Variants in COL27A1 observed in about 807,000 individuals in gnomAD.
COL27A1 encodes the protein collagen type XXVII alpha 1 chain, also known as collagen alpha-1(XXVII) chain.
A neutral mutation model predicts 251.3 loss-of-function variants in COL27A1; 106 were observed. That is an observed-to-expected ratio of 0.42 (90% CI 0.36 to 0.50). The LOEUF (loss-of-function observed/expected upper bound fraction) is 0.50. Ranked by LOEUF, COL27A1 falls within the 20% of genes least tolerant of loss-of-function variation. COL27A1 has a pLI of 0.00. For missense variants in COL27A1, 2,325 were observed against 2,522.8 expected, an observed-to-expected ratio of 0.92 and a Z score of 1.68; for synonymous variants, 1,000 against 986.3, an observed-to-expected ratio of 1.01 and a Z score of -0.26.
intron 3 of COL27A1, 59 bp downstream of exon 3, chr9:114,169,522 GT>G: frequency 7.4e-7 from 1 of 1,353,042 alleles, no homozygotes; most frequent in Non-Finnish European, 1.0e-6. Context: ...TGGGGCATTG[GT>G]CAAGTGGTTG....
rs1299285729 is a variant in COL27A1 at position 114,312,154 on chromosome 9, G to A, written c.*1459G>A. The A allele has an allele frequency of 6.6e-6, 1 of 152,208 alleles. No homozygotes were observed. Among genetic ancestry groups the A allele is most frequent in the Non-Finnish European group, 1.5e-5 (1 of 68,042 alleles). The allele number at this position is 152,208 out of a possible 1,614,324, so 9.4% of individuals were successfully genotyped here. Reference sequence around the variant, plus strand: ...ATAGAAGGGGAAAATGTATGTGAAAGTCTCTATTTGTGTATTTCTCTCCTA... The same window carrying A: ...ATAGAAGGGGAAAATGTATGTGAAAATCTCTATTTGTGTATTTCTCTCCTA... On this transcript the variant is annotated 3_prime_UTR_variant, in exon 61 of 61. Coordinates refer to ENST00000356083, the MANE Select transcript of COL27A1 (RefSeq NM_032888.4).
At chr9:114,166,444 T>TCCATCC (rs1848892229) in intron 2 of COL27A1, among the ~76,000 whole-genome samples, 7 of 140,954 alleles carry the variant, frequency 5.0e-5, no homozygotes, top group Middle Eastern at 4.0e-3. Context: ...TCCATTCATC[T>TCCATCC]ATCCATCCAT....
chr9:114,166,607 G>C (rs1445060825), intron 2 of COL27A1, among the ~76,000 whole-genome samples: 1 of 152,234 alleles, frequency 6.6e-6, no homozygotes, highest in Non-Finnish European at 1.5e-5. Flanking sequence ...CTTAGGGGAA[G>C]GGCCCTGAGG....
intron 4 of COL27A1, among the ~76,000 whole-genome samples, chr9:114,181,034 C>T (rs1827868496): frequency 6.6e-6 from 1 of 152,154 alleles, no homozygotes; most frequent in Admixed American, 6.5e-5. Flanking sequence ...CAACCTCTGT[C>T]CAATTCCCAC....
In COL27A1 at chr9:114,310,637, C is replaced by T; in HGVS notation, c.5525C>T (p.Pro1842Leu). The stretch of plus-strand genomic sequence containing the variant: ...CCCATCATCAGTGTGGACAACCTCC[C>T]TCCTGCCTCATCAGGGAAGCAGTAC... ...QLPIISVDNL[P>L]PASSGKQYRL... Residue 1842 changes from proline to leucine, a missense_variant, in exon 61 of 61, where the codon CCT (proline) becomes CTT (leucine). Transcript: ENST00000356083. 1 of 1,614,220 alleles carries T rather than the reference C, an allele frequency of 6.2e-7. No individual in the cohort carries two copies. The highest frequency in any genetic ancestry group is 8.5e-7 in the Non-Finnish European group (1 of 1,180,032).
chr9:114,250,538 G>C (rs1268478529), intron 24 of COL27A1, 77 bp from the exon 25 acceptor site: 12 of 1,375,218 alleles, frequency 8.7e-6, no homozygotes, highest in Non-Finnish European at 1.2e-5. Context: ...TGGGAGATGA[G>C]CTTCAGGGGA....
chr9:114,301,439 C>T lies in COL27A1; in HGVS notation c.4792-6C>T, dbSNP rs1828622655. 6.2e-7 allele frequency: 1 copy of T among 1,611,924 alleles called. No individual in the cohort carries two copies. The highest frequency in any genetic ancestry group is 1.3e-5 in the African/African-American group (1 of 74,910). ...AACTCTCTCCCCTGCTTCTGTCTCC[C>T]TCCAGGGATTGCAAGGTCCGAGGGT... On this transcript the variant is annotated splice_polypyrimidine_tract_variant and splice_region_variant and intron_variant, in intron 53 of 60. Coordinates refer to ENST00000356083, the MANE Select transcript of COL27A1 (RefSeq NM_032888.4).
chr9:114,235,037 C>T (rs1564503813), intron 16 of COL27A1, among the ~76,000 whole-genome samples: 1 of 142,784 alleles, frequency 7.0e-6, no homozygotes, highest in African/African-American at 2.6e-5. Context: ...CAAGATTGCA[C>T]CACTGCTCTC....
At chr9:114,269,614 CAAA>C (rs552967033) in intron 35 of COL27A1, among the ~76,000 whole-genome samples, 7 of 69,216 alleles carry the variant, frequency 1.0e-4, no homozygotes, top group South Asian at 6.0e-4. Flanking sequence ...GACTCCATCT[CAAA>C]AAAAAAAAAA....
At chr9:114,300,986 ACGC>A in intron 51 of COL27A1, 83 bp from the exon 52 acceptor site, 1 of 1,337,576 alleles carries the variant, frequency 7.5e-7, no homozygotes, top group Non-Finnish European at 1.0e-6. Context: ...CTCCCTTGCG[ACGC>A]TCGGGCTGCC....
intron 14 of COL27A1, among the ~76,000 whole-genome samples, chr9:114,224,814 A>G (rs548964924): frequency 1.3e-5 from 2 of 151,930 alleles, no homozygotes; most frequent in South Asian, 4.2e-4. Flanking sequence ...CATGATGCCC[A>G]GCTAATTTTA....
chr9:114,192,190 CT>C (rs1588627083), intron 5 of COL27A1, among the ~76,000 whole-genome samples: 1 of 152,150 alleles, frequency 6.6e-6, no homozygotes, highest in Non-Finnish European at 1.5e-5. Flanking sequence ...TCTCAGTTTC[CT>C]TTTTTTGTAA....
intron 12 of COL27A1, among the ~76,000 whole-genome samples, chr9:114,217,108 TG>T (rs1830761994): frequency 6.6e-6 from 1 of 152,188 alleles, no homozygotes; most frequent in Non-Finnish European, 1.5e-5. Context: ...GTCACGCTGT[TG>T]GGGTTTACTG....
In COL27A1 at chr9:114,290,314, G is replaced by C. The variant is rs761876047; in HGVS notation, c.4351G>C (p.Gly1451Arg). ...ACCAGATGGGCTTCCTGGCAGGGACGGGCAAGCAGGACAGCAGGTGAGCGG... is the reference window on the plus strand; with the variant it reads ...ACCAGATGGGCTTCCTGGCAGGGACCGGCAAGCAGGACAGCAGGTGAGCGG... ...AGPDGLPGRD[G>R]QAGQQGEQGD... Residue 1451 changes from glycine to arginine, a missense_variant, in exon 47 of 61, where the codon GGG becomes CGG. Gly to Arg is a moderately radical substitution (Grantham distance 125). This residue lies in a region of COL27A1 where 153 missense variants were observed against 140.7 expected (regional missense o/e 1.09). Transcript: ENST00000356083. This position sits in a 1 kb window ranked among gnomAD's most constrained non-coding sequence, Gnocchi z 4.6. 5.1e-6 allele frequency: 8 copies of C among 1,580,554 alleles called. No homozygotes were observed. The highest frequency in any genetic ancestry group is 6.9e-6 in the Non-Finnish European group (8 of 1,163,502).
intron 35 of COL27A1, among the ~76,000 whole-genome samples, chr9:114,269,631 A>G (rs1272246752): frequency 1.9e-4 from 28 of 148,938 alleles, no homozygotes; most frequent in African/African-American, 5.8e-4. Flanking sequence ...AAAAAAAAAA[A>G]AAAAAGAAGA....
intron 14 of COL27A1, among the ~76,000 whole-genome samples, chr9:114,226,978 G>A (rs1831513709): frequency 6.6e-6 from 1 of 152,230 alleles, no homozygotes; most frequent in Non-Finnish European, 1.5e-5. Context: ...TGGGGTCAGG[G>A]AAGTGATGTT....
In COL27A1 at chr9:114,209,563, A is replaced by G. The variant is rs766986834; in HGVS notation, c.2269-112A>G. 1.4e-5 allele frequency: 14 copies of G among 969,102 alleles called. No homozygotes were observed. The African/African-American group carries it at 2.2e-4, about 16-fold the overall frequency. 60.0% of individuals were successfully genotyped at this position (969,102 alleles called of 1,614,324 possible). A position where few individuals can be genotyped will look rare whatever the true frequency, so the allele number is the denominator to read the frequency against. On this transcript the variant is annotated intron_variant, in intron 10 of 60. Coordinates refer to ENST00000356083, the MANE Select transcript of COL27A1 (RefSeq NM_032888.4). ...ACCGGAGCTGCCACTGCCACCAGGG[A>G]GGAAGAGGAGGAGCCGGGATGTGGG...
chr9:114,202,521 A>T (rs960883987), intron 7 of COL27A1, among the ~76,000 whole-genome samples: 3 of 152,174 alleles, frequency 2.0e-5, no homozygotes, highest in Non-Finnish European at 4.4e-5. Context: ...TGGAAAAATG[A>T]TGATCACGGC....
At chr9:114,197,523 C>T (rs1329721057) in intron 7 of COL27A1, among the ~76,000 whole-genome samples, 1 of 152,224 alleles carries the variant, frequency 6.6e-6, no homozygotes, top group Non-Finnish European at 1.5e-5. Flanking sequence ...AAGGCTCCTT[C>T]CGGTCCCAGC....
Sources: allele counts gnomAD v4.1 joint callset (sites outside exome capture counted in the v4.1 genomes callset), GRCh38; gene constraint gnomAD v4.1.1; regional missense constraint gnomAD v4.1.1; non-coding constraint Gnocchi (gnomAD v3.1); transcripts MANE v1.5; gene names NCBI Gene and HGNC (gene_info 2026-07-23, HGNC 2026-07-21).